The following TTN variants were observed in gnomAD, a reference collection of about 807,000 sequenced individuals.
The protein encoded by TTN is titin, also known as connectin.
A neutral mutation model predicts 3,223.0 loss-of-function variants in TTN; 1,525 were observed. The observed-to-expected ratio is 0.47, with a 90% CI of 0.45 to 0.49. The LOEUF (loss-of-function observed/expected upper bound fraction) is 0.49. Among genes scored for constraint, TTN ranks in the 20% least tolerant of loss-of-function variants. The pLI, the probability that TTN is intolerant of heterozygous loss-of-function variation, is 0.00. For synonymous variants in TTN, 14,094 were observed against 15,161.0 expected, an observed-to-expected ratio of 0.93 and a Z score of 5.17; for missense variants, 40,786 against 43,424.0, an observed-to-expected ratio of 0.94 and a Z score of 5.40.
rs267599093 is a variant in TTN, at chr2:178,792,150, G to A, written c.1584C>T (p.Ser528=). Residue 528 remains serine (S), a synonymous_variant, in exon 10 of 363, where the codon TCC becomes TCT. Coordinates refer to ENST00000589042, the MANE Select transcript of TTN (RefSeq NM_001267550.2). ...TTTCTTGTTCTTTGGCTTTAGCTGC[G>A]GAAATTACTACCTTTGGTACAAATG... ...EKTFVPKVVI[S]AAKAKEQETR... 25 of 1,611,526 alleles carry A rather than the reference G, an allele frequency of 1.6e-5. No homozygotes were observed. Among genetic ancestry groups the A allele is most frequent in the Non-Finnish European group, 1.7e-5 (20 of 1,179,348 alleles).
rs397517622 is a variant in TTN, at chr2:178,601,750, G to A, written c.55340C>T (p.Pro18447Leu). 53 of 1,608,152 alleles carry A rather than the reference G, an allele frequency of 3.3e-5. No homozygotes were observed. Among genetic ancestry groups the A allele is most frequent in the Middle Eastern group, 1.7e-4 (1 of 6,046 alleles). Residue 18447 changes from proline to leucine, a missense_variant, in exon 286 of 363, where the codon CCG becomes CTG. Physicochemically the swap from Pro to Leu is moderately conservative, Grantham distance 98. Coordinates refer to ENST00000589042, the MANE Select transcript of TTN (RefSeq NM_001267550.2). The stretch of plus-strand genomic sequence containing the variant: ...GCCTGTATGAGATCGTTTACACTCC[G>A]GAATAATAATTACTGAGGAGTTTTC... ...TAENSSVIII[P>L]ECKRSHTGKY...
Position 178,634,252 on chromosome 2 carries a change from G to A in TTN, c.42415+114C>T. On this transcript the variant is annotated intron_variant, in intron 230 of 362. Transcript: ENST00000589042. The surrounding 1 kb of genome is among the most constrained non-coding windows in gnomAD (Gnocchi z 4.6). ...TAAGGGGGGTTGTTTTGGTAACACTGTGAAAGTTAATTAGTGATGCATTAT... is the reference window on the plus strand; with the variant it reads ...TAAGGGGGGTTGTTTTGGTAACACTATGAAAGTTAATTAGTGATGCATTAT... The A allele has an allele frequency of 4.0e-6, 6 of 1,492,302 alleles. 1 individual carries two copies. Among genetic ancestry groups the A allele is most frequent in the South Asian group, 3.9e-5 (3 of 75,952 alleles). 92.4% of individuals were successfully genotyped at this position (1,492,302 alleles called of 1,614,324 possible).
rs1578142340 is a variant in TTN, at chr2:178,729,816, A to G, written c.18437T>C (p.Ile6146Thr). 2 of 1,613,662 alleles carry G rather than the reference A, an allele frequency of 1.2e-6. No homozygotes were observed. The highest frequency in any genetic ancestry group is 1.3e-5 in the African/African-American group (1 of 75,008). ...RVSWYLDGNEITAIQKHGISF... is the reference protein window; with the variant it reads ...RVSWYLDGNETTAIQKHGISF... ...AATGCCATGTTTCTGAATGGCTGTT[A>G]TTTCATTCCCGTCTAGATACCAAGA... Residue 6146 changes from isoleucine (I) to threonine (T), a missense_variant, in exon 63 of 363, where the codon ATA (isoleucine) becomes ACA (threonine). Transcript: ENST00000589042.
intron 212 of TTN, 37 bp from the exon 213 acceptor site, chr2:178,649,368 TA>T (rs1576919194): frequency 7.3e-7 from 1 of 1,367,260 alleles, no homozygotes; most frequent in Non-Finnish European, 9.6e-7. Context: ...AAATAGTATT[TA>T]AAAACATTTT....
chr2:178,557,126 C>G lies in TTN; in HGVS notation c.88028G>C (p.Arg29343Pro). 9 of 1,613,576 alleles carry G rather than the reference C, an allele frequency of 5.6e-6. No individual in the cohort carries two copies. The highest frequency in any genetic ancestry group is 7.6e-6 in the Non-Finnish European group (9 of 1,179,734). The change falls in exon 330 of 363, where the codon CGT becomes CCT. Residue 29343 changes from arginine (R) to proline (P), a missense_variant. Transcript: ENST00000589042. ...AGAGTTCTTTGAAATATCAGTGATA[C>G]GAACATTTCTTGGGGGTTCTGTGGT... ...IDACEPPRNVRITDISKNSVS... is the reference protein window; with the variant it reads ...IDACEPPRNVPITDISKNSVS...
Position 178,715,538 on chromosome 2 carries a change from T to C in TTN, c.25876A>G (p.Asn8626Asp), listed in dbSNP as rs2077357318. The C allele has an allele frequency of 6.2e-7, 1 of 1,613,464 alleles. No homozygotes were observed. The highest frequency in any genetic ancestry group is 8.5e-7 in the Non-Finnish European group (1 of 1,179,604). Residue 8626 changes from asparagine (N) to aspartate (D), a missense_variant, in exon 89 of 363, where the codon AAT (asparagine) becomes GAT (aspartate). Asn to Asp is a conservative substitution (Grantham distance 23). Coordinates refer to ENST00000589042, the MANE Select transcript of TTN (RefSeq NM_001267550.2). Reference sequence around the variant, plus strand: ...CTGCTGCTGGCACTGCCTGCTGCATTGTGGGCCTCACAGGTGTAGTCTCCA... The same window carrying C: ...CTGCTGCTGGCACTGCCTGCTGCATCGTGGGCCTCACAGGTGTAGTCTCCA... ...DSGDYTCEAH[N>D]AAGSASSSTS...
rs1464754469 is a variant in TTN at position 178,672,164 on chromosome 2, A to C, written c.35034T>G (p.Ile11678Met). 6.3e-7 allele frequency: 1 copy of C among 1,592,826 alleles called. No individual in the cohort carries two copies. Among genetic ancestry groups the C allele is most frequent in the East Asian group, 2.3e-5 (1 of 44,164 alleles). Residue 11678 changes from isoleucine (I) to methionine (M), a missense_variant, in exon 155 of 363, where the codon ATT becomes ATG. Physicochemically the swap from Ile to Met is conservative, Grantham distance 10. Transcript: ENST00000589042. ...CTTCATGGAACTCTTCTTCTTCCGG[A>C]ATTTCTTCCACTTCTGCTTCTACTA... The part of the protein sequence containing the change: ...LEVVEAEVEE[I>M]PEEEEFHEVE...
chr2:178,734,577 G>T lies in TTN; in HGVS notation c.15247C>A (p.Pro5083Thr), dbSNP rs1465484453. 2 of 1,580,792 alleles carry T rather than the reference G, an allele frequency of 1.3e-6. No homozygotes were observed. Among genetic ancestry groups the T allele is most frequent in the Non-Finnish European group, 1.7e-6 (2 of 1,163,162 alleles). Residue 5083 changes from proline (P) to threonine (T), a missense_variant, in exon 52 of 363, where the codon CCT (proline) becomes ACT (threonine). Physicochemically the swap from Pro to Thr is conservative, Grantham distance 38. Coordinates refer to ENST00000589042, the MANE Select transcript of TTN (RefSeq NM_001267550.2). ...TTTGTTCCTCTCACTATGTCTGCAG[G>T]CTCAAGAGTTTTGATGAAAGAAGGA... ...EPPSFIKTLEPADIVRGTNAL... is the reference protein window; with the variant it reads ...EPPSFIKTLETADIVRGTNAL...
chr2:178,551,645 C>G lies in TTN; in HGVS notation c.91255G>C (p.Ala30419Pro). The change falls in exon 335 of 363, where the codon GCT becomes CCT. Residue 30419 changes from alanine (A) to proline (P), a missense_variant. Ala to Pro is a conservative substitution (Grantham distance 27, BLOSUM62 -1). Coordinates refer to ENST00000589042, the MANE Select transcript of TTN (RefSeq NM_001267550.2). ...SPSDPSKFTL[A>P]VSPVDPPGTP... ...AATCACTTACCTACTGGAGAAACAGCTAAGGTAAATTTGCTTGGGTCACTA... is the reference window on the plus strand; with the variant it reads ...AATCACTTACCTACTGGAGAAACAGGTAAGGTAAATTTGCTTGGGTCACTA... 6.3e-7 allele frequency: 1 copy of G among 1,585,266 alleles called. No homozygotes were observed. The highest frequency in any genetic ancestry group is 1.2e-5 in the South Asian group (1 of 86,596).
Position 178,715,095 on chromosome 2 carries a change from T to A in TTN, c.26091A>T (p.Leu8697=), listed in dbSNP as rs2562836. Residue 8697 remains leucine, a synonymous_variant, in exon 90 of 363, where the codon CTA becomes CTT. Transcript: ENST00000589042. ...KKYKIMSENF[L]TSIHILNVDA... is the part of the protein sequence containing the mutation. The stretch of plus-strand genomic sequence containing the variant: ...CGACATTCAGGATGTGGATACTGGT[T>A]AGGAAGTTCTCAGACATTATCTTGT... The A allele has an allele frequency of 0.25, 398,668 of 1,613,490 alleles. 58,221 individuals carry two copies. Among genetic ancestry groups the A allele is most frequent in the East Asian group, 0.65 (29,091 of 44,848 alleles).
chr2:178,775,277 A>G, intron 28 of TTN, 75 bp from the exon 29 acceptor site: 1 of 1,612,232 alleles, frequency 6.2e-7, no homozygotes, highest in Non-Finnish European at 8.5e-7. Context: ...GGAATGGGGA[A>G]AGAAAATAAA....
chr2:178,710,912 G>C lies in TTN; in HGVS notation c.28185C>G (p.Asn9395Lys), dbSNP rs778573156. Residue 9395 changes from asparagine (N) to lysine (K), a missense_variant, in exon 98 of 363, where the codon AAC (asparagine) becomes AAG (lysine). Asn to Lys is a moderately conservative substitution (Grantham distance 94). Transcript: ENST00000589042. ...SARLILTEGK[N>K]PPFFDIRLAP... ...CAAGACGGATGTCAAAGAAGGGTGG[G>C]TTCTTCCCCTCTAATAGTAGAGCAG... The C allele has an allele frequency of 1.7e-5, 27 of 1,612,800 alleles. No homozygotes were observed. Among genetic ancestry groups the C allele is most frequent in the African/African-American group, 5.3e-5 (4 of 74,888 alleles).
chr2:178,535,354 C>T lies in TTN; in HGVS notation c.101261G>A (p.Gly33754Glu), dbSNP rs760939553. 1.9e-6 allele frequency: 3 copies of T among 1,613,774 alleles called. No homozygotes were observed. In the East Asian group the frequency reaches 6.7e-5, roughly 36 times the overall value. Residue 33754 changes from glycine to glutamate, a missense_variant, in exon 358 of 363, where the codon GGA (glycine) becomes GAA (glutamate). Transcript: ENST00000589042. ...ETRYTVINLF[G>E]KTSYQFRVIA... ...TACCCGGAACTGGTAACTTGTTTTT[C>T]CAAATAAGTTGATCACGGTATAACG...
rs536645864 is a variant in TTN at position 178,594,472 on chromosome 2, C to T, written c.58022G>A (p.Ser19341Asn). 76 of 1,613,320 alleles carry T rather than the reference C, an allele frequency of 4.7e-5. 1 individual carries two copies. In the South Asian group the frequency reaches 6.2e-4, roughly 13 times the overall value. ...FHKVTNDNLL[S>N]RKYTVKGLKE... ...TAAGCCTTTAACAGTGTATTTTCTG[C>T]TAAGCAAGTTGTCATTTGTAACTTT... Residue 19341 changes from serine to asparagine, a missense_variant, in exon 296 of 363, where the codon AGC becomes AAC. Transcript: ENST00000589042.
Position 178,564,902 on chromosome 2 carries a change from C to A in TTN, c.81230G>T (p.Gly27077Val). 1 of 1,612,384 alleles carries A rather than the reference C, an allele frequency of 6.2e-7. No individual in the cohort carries two copies. The highest frequency in any genetic ancestry group is 2.2e-5 in the East Asian group (1 of 44,808). ...TGAGATTGATGTCACAAAAGGAGTT[C>A]CAGGTGGTCCAGGTTCTTTAAATGG... ...QYPFKEPGPP[G>V]TPFVTSISKD... is the part of the protein sequence containing the mutation. The change falls in exon 326 of 363, where the codon GGA becomes GTA. Residue 27077 changes from glycine (G) to valine (V), a missense_variant. By Grantham distance (109) the Gly-to-Val change is moderately radical. Coordinates refer to ENST00000589042, the MANE Select transcript of TTN (RefSeq NM_001267550.2).
Position 178,582,172 on chromosome 2 carries a change from T to C in TTN, c.66197A>G (p.Asn22066Ser), listed in dbSNP as rs1400000859. Residue 22066 changes from asparagine (N) to serine (S), a missense_variant, in exon 315 of 363, where the codon AAC becomes AGC. By Grantham distance (46) the Asn-to-Ser change is conservative (BLOSUM62 1). Coordinates refer to ENST00000589042, the MANE Select transcript of TTN (RefSeq NM_001267550.2). ...PGRCDPPVISNITKDHMTVSW... is the reference protein window; with the variant it reads ...PGRCDPPVISSITKDHMTVSW... ...GACTGTCATGTGATCTTTGGTTATG[T>C]TGCTAATAACAGGAGGATCACAGCG... is the stretch of plus-strand genomic sequence containing the variant. 1.9e-6 allele frequency: 3 copies of C among 1,612,724 alleles called. No individual in the cohort carries two copies. Among genetic ancestry groups the C allele is most frequent in the African/African-American group, 2.7e-5 (2 of 74,878 alleles).
Position 178,776,846 on chromosome 2 carries a change from G to T in TTN, c.5018C>A (p.Ala1673Glu). The part of the protein sequence containing the change: ...PRGTYRAKEI[A>E]APELEPLHLR... The stretch of plus-strand genomic sequence containing the variant: ...ATGGAGGGGCTCCAGTTCTGGGGCT[G>T]CAATCTCCTTTGCTCTATATGTCCC... Residue 1673 changes from alanine (A) to glutamate (E), a missense_variant, in exon 28 of 363, where the codon GCA becomes GAA. By Grantham distance (107) the Ala-to-Glu change is moderately radical (BLOSUM62 -1). Coordinates refer to ENST00000589042, the MANE Select transcript of TTN (RefSeq NM_001267550.2). The T allele has an allele frequency of 6.2e-7, 1 of 1,614,084 alleles. No individual in the cohort carries two copies. The highest frequency in any genetic ancestry group is 8.5e-7 in the Non-Finnish European group (1 of 1,180,010).
chr2:178,553,224 A>G lies in TTN; in HGVS notation c.89676T>C (p.Asp29892=), dbSNP rs750859239. Residue 29892 remains aspartate, a synonymous_variant, in exon 335 of 363, where the codon GAT becomes GAC. Transcript: ENST00000589042. ...SDARYSIENT[D]SSSLLTIPQV... ...GAGGAATGGTGAGTAATGAGGATGA[A>G]TCAGTGTTTTCAATGCTGTATCTGG... The G allele has an allele frequency of 8.1e-6, 13 of 1,613,604 alleles. No homozygotes were observed. The highest frequency in any genetic ancestry group is 1.0e-5 in the Non-Finnish European group (12 of 1,179,824).
chr2:178,566,892 C>A lies in TTN; in HGVS notation c.79240G>T (p.Gly26414Cys). The A allele has an allele frequency of 6.2e-7, 1 of 1,613,560 alleles. No individual in the cohort carries two copies. The highest frequency in any genetic ancestry group is 8.5e-7 in the Non-Finnish European group (1 of 1,179,674). Residue 26414 changes from glycine to cysteine, a missense_variant, in exon 326 of 363, where the codon GGT becomes TGT. Gly to Cys is a radical substitution (Grantham distance 159, BLOSUM62 -3). Coordinates refer to ENST00000589042, the MANE Select transcript of TTN (RefSeq NM_001267550.2). ...TVCWNRPDSD[G>C]GSEIIGYIVE... ...ATGTAACCAATAATCTCACTTCCACCATCACTATCTGGACGGTTCCAACAG... is the reference window on the plus strand; with the variant it reads ...ATGTAACCAATAATCTCACTTCCACAATCACTATCTGGACGGTTCCAACAG...
Sources: allele counts gnomAD v4.1 joint callset, GRCh38; gene constraint gnomAD v4.1.1; non-coding constraint Gnocchi (gnomAD v3.1); transcripts MANE v1.5; gene names NCBI Gene and HGNC (gene_info 2026-07-23, HGNC 2026-07-21).